CHMP4C: variants seen among roughly 807,000 people sequenced by gnomAD.
CHMP4C encodes the protein charged multivesicular body protein 4C.
Under a neutral mutation model 29.0 loss-of-function variants are expected in CHMP4C, and 28 were observed. That is an observed-to-expected ratio of 0.97 (90% CI 0.72 to 1.32). The LOEUF (loss-of-function observed/expected upper bound fraction) is 1.32. Ranked by LOEUF, CHMP4C falls within the 40% of genes most tolerant of loss-of-function variation. The pLI, the probability that CHMP4C is intolerant of heterozygous loss-of-function variation, is 0.00. For missense variants in CHMP4C, 291 were observed against 281.0 expected (o/e 1.04, Z -0.25); for synonymous variants, 106 against 102.4 (o/e 1.04, Z -0.21).
intron 1 of CHMP4C, among the ~76,000 whole-genome samples, chr8:81,737,197 G>A (rs905046487): frequency 2.0e-5 from 3 of 152,222 alleles, no homozygotes; most frequent in South Asian, 2.1e-4. Context: ...CTTCTTCTGA[G>A]CACTGCGTCT....
intron 1 of CHMP4C, among the ~76,000 whole-genome samples, chr8:81,749,123 T>G (rs1808866438): frequency 6.6e-6 from 1 of 152,122 alleles, no homozygotes; most frequent in Admixed American, 6.5e-5. Flanking sequence ...AAAGAAGGGA[T>G]GTGACTTGCC....
intron 1 of CHMP4C, among the ~76,000 whole-genome samples, chr8:81,745,505 G>A (rs1444010574): frequency 2.6e-5 from 4 of 152,162 alleles, no homozygotes; most frequent in South Asian, 2.1e-4. Flanking sequence ...TACATTACAT[G>A]AGCAATGAAA....
At chr8:81,749,621 C>T (rs562619120) in intron 1 of CHMP4C, among the ~76,000 whole-genome samples, 10 of 152,028 alleles carry the variant, frequency 6.6e-5, no homozygotes, top group Non-Finnish European at 1.0e-4. Context: ...TCTAGACCTA[C>T]GTTTTAATTC....
At chr8:81,744,257 GC>G (rs1157450985) in intron 1 of CHMP4C, among the ~76,000 whole-genome samples, 6 of 152,152 alleles carry the variant, frequency 3.9e-5, no homozygotes, top group Non-Finnish European at 8.8e-5. Context: ...TATATTTGAG[GC>G]TTATAGTTCC....
chr8:81,758,930 G>GC lies in CHMP4C; in HGVS notation c.*386_*387insC. 1 of 164,202 alleles carries GC rather than the reference G, an allele frequency of 6.1e-6. No individual in the cohort carries two copies. Among genetic ancestry groups the GC allele is most frequent in the Non-Finnish European group, 1.3e-5 (1 of 76,252 alleles). 10.2% of individuals were successfully genotyped at this position (164,202 alleles called of 1,614,324 possible). A position where few individuals can be genotyped will look rare whatever the true frequency, so the allele number is the denominator to read the frequency against. On this transcript the variant is annotated 3_prime_UTR_variant, in exon 5 of 5. Coordinates refer to ENST00000297265, the MANE Select transcript of CHMP4C (RefSeq NM_152284.4). The stretch of plus-strand genomic sequence containing the variant: ...TCAGGAGAATCGCTTGAGCCCAGGA[G>GC]ATGGAGGTTGCAGTGAGCCAAGATC...
intron 1 of CHMP4C, among the ~76,000 whole-genome samples, chr8:81,734,741 T>G (rs1338674667): frequency 6.6e-6 from 1 of 152,194 alleles, no homozygotes; most frequent in Non-Finnish European, 1.5e-5. Flanking sequence ...TACTGATTTT[T>G]TTCAGAGGTA....
At chr8:81,732,994 C>A in intron 1 of CHMP4C, 178 bp downstream of exon 1, 1 of 473,092 alleles carries the variant, frequency 2.1e-6, no homozygotes. Flanking sequence ...GACACTGGCA[C>A]TGATGGCAAA....
intron 1 of CHMP4C, among the ~76,000 whole-genome samples, chr8:81,741,909 AAAAC>A (rs556510014): frequency 2.5e-4 from 38 of 152,220 alleles, no homozygotes; most frequent in Non-Finnish European, 4.9e-4. Context: ...AAATAAAATT[AAAAC>A]AAACAAAAGT....
intron 1 of CHMP4C, among the ~76,000 whole-genome samples, chr8:81,750,597 C>G (rs1808888938): frequency 6.6e-6 from 1 of 151,954 alleles, no homozygotes; most frequent in South Asian, 2.1e-4. Context: ...GAGTGATACC[C>G]TGTGTCAAAA....
At chr8:81,746,989 T>G (rs1808832986) in intron 1 of CHMP4C, among the ~76,000 whole-genome samples, 2 of 152,200 alleles carry the variant, frequency 1.3e-5, no homozygotes, top group South Asian at 4.1e-4. Context: ...ATGAGTTATA[T>G]CTCCATTTTT....
At chr8:81,748,694 C>T (rs182212140) in intron 1 of CHMP4C, among the ~76,000 whole-genome samples, 1 of 152,052 alleles carries the variant, frequency 6.6e-6, no homozygotes, top group East Asian at 1.9e-4. Context: ...TCCCAGCAGG[C>T]CGAGGCAGGC....
chr8:81,737,835 A>G (rs1474599366), intron 1 of CHMP4C, among the ~76,000 whole-genome samples: 2 of 152,238 alleles, frequency 1.3e-5, no homozygotes, highest in East Asian at 1.9e-4. Context: ...AACTAATTAC[A>G]TTTTAAAAAG....
chr8:81,747,747 T>C (rs763684673), intron 1 of CHMP4C, among the ~76,000 whole-genome samples: 41 of 152,158 alleles, frequency 2.7e-4, no homozygotes, highest in Middle Eastern at 3.4e-3. Flanking sequence ...TAGGTGTGGG[T>C]GACAGACATC....
intron 1 of CHMP4C, among the ~76,000 whole-genome samples, chr8:81,746,554 G>A (rs1411288210): frequency 6.6e-6 from 1 of 152,028 alleles, no homozygotes; most frequent in African/African-American, 2.4e-5. Context: ...TTTCTCACAG[G>A]AGAAAAAACA....
intron 1 of CHMP4C, among the ~76,000 whole-genome samples, chr8:81,743,519 A>C (rs1315684604): frequency 6.6e-6 from 1 of 152,142 alleles, no homozygotes; most frequent in Non-Finnish European, 1.5e-5. Context: ...ATTTTTACAA[A>C]GAATATAAAA....
chr8:81,744,833 C>G (rs563176706), intron 1 of CHMP4C, among the ~76,000 whole-genome samples: 4 of 152,248 alleles, frequency 2.6e-5, no homozygotes, highest in African/African-American at 9.6e-5. Flanking sequence ...AACACAGTGC[C>G]AGGCATGTCA....
chr8:81,746,074 A>C (rs1380118875), intron 1 of CHMP4C, among the ~76,000 whole-genome samples: 4 of 152,192 alleles, frequency 2.6e-5, no homozygotes, highest in Non-Finnish European at 4.4e-5. Flanking sequence ...TCATCGTTTC[A>C]TATAAGGAAC....
chr8:81,740,966 A>G (rs867869081), intron 1 of CHMP4C, among the ~76,000 whole-genome samples: 1 of 152,212 alleles, frequency 6.6e-6, no homozygotes, highest in Non-Finnish European at 1.5e-5. Context: ...AAAGAAGCCT[A>G]TGAAATTATT....
chr8:81,748,891 C>A (rs985156373), intron 1 of CHMP4C, among the ~76,000 whole-genome samples: 40 of 145,272 alleles, frequency 2.8e-4, no homozygotes, highest in African/African-American at 9.8e-4. Context: ...CGCGCCACTG[C>A]ACTCCAGCCT....
Sources: gnomAD v4.1 joint callset for allele counts (sites outside exome capture counted in the v4.1 genomes callset) on GRCh38, gnomAD v4.1.1 for gene constraint, MANE v1.5 for transcripts, NCBI Gene and HGNC (gene_info 2026-07-23, HGNC 2026-07-21) for gene names.